PLA2G4B: variants seen among roughly 807,000 people sequenced by gnomAD.
The protein encoded by PLA2G4B is cytosolic phospholipase A2 beta.
Under a neutral mutation model 95.8 loss-of-function variants are expected in PLA2G4B, and 122 were observed. The ratio of observed to expected loss-of-function variants is 1.27; its 90% CI spans 1.10 to 1.48. The LOEUF (loss-of-function observed/expected upper bound fraction) is 1.48. Ranked by LOEUF, PLA2G4B falls within the 40% of genes most tolerant of loss-of-function variation. PLA2G4B has a pLI of 0.00. For synonymous variants in PLA2G4B, 518 were observed against 421.5 expected (o/e 1.23, Z -2.80); for missense variants, 1,158 against 996.2 (o/e 1.16, Z -2.19).
At position 41,846,847 on chromosome 15, in the gene PLA2G4B, T is replaced by C; in HGVS notation, c.1947+12T>C. 1 of 1,596,430 alleles carries C rather than the reference T, an allele frequency of 6.3e-7. No individual in the cohort carries two copies. Among genetic ancestry groups the C allele is most frequent in the South Asian group, 1.1e-5 (1 of 89,898 alleles). On this transcript the variant is annotated intron_variant, in intron 18 of 19. Transcript: ENST00000458483. Reference sequence around the variant, plus strand: ...ACGGAGCCTTCCAGGTTGGGAAGGGTGGGCAGCCCACCAGGGAGGCGGTGG... The same window carrying C: ...ACGGAGCCTTCCAGGTTGGGAAGGGCGGGCAGCCCACCAGGGAGGCGGTGG...
At chr15:41,846,109 G>A (rs972363291) in intron 16 of PLA2G4B, 62 bp downstream of exon 16, 2 of 1,575,464 alleles carry the variant, frequency 1.3e-6, no homozygotes, top group Admixed American at 3.5e-5. Context: ...TGCACCAGGG[G>A]GCGGGGGGTT....
Position 41,845,698 on chromosome 15 carries a change from C to G in PLA2G4B, c.1418C>G (p.Ser473Cys), listed in dbSNP as rs552060419. The change falls in exon 15 of 20, where the codon TCT (serine) becomes TGT (cysteine). Residue 473 changes from serine to cysteine, a missense_variant. Physicochemically the swap from Ser to Cys is moderately radical, Grantham distance 112. Coordinates refer to ENST00000458483, the MANE Select transcript of PLA2G4B (RefSeq NM_001114633.2). Reference protein sequence around the residue: ...GFPKYGAFIPSELFGSEFFMG... With the variant: ...GFPKYGAFIPCELFGSEFFMG... Reference sequence around the variant, plus strand: ...CCCAAGTACGGGGCCTTCATCCCCTCTGAGCTCTTTGGCTCCGAGTTCTTT... The same window carrying G: ...CCCAAGTACGGGGCCTTCATCCCCTGTGAGCTCTTTGGCTCCGAGTTCTTT... 1.2e-6 allele frequency: 2 copies of G among 1,613,760 alleles called. No homozygotes were observed. Among genetic ancestry groups the G allele is most frequent in the South Asian group, 2.2e-5 (2 of 91,048 alleles).
intron 3 of PLA2G4B, 49 bp from the exon 4 acceptor site, chr15:41,840,725 C>T: frequency 6.2e-7 from 1 of 1,607,066 alleles, no homozygotes; most frequent in Non-Finnish European, 8.5e-7. Context: ...GCCCTGCTCA[C>T]CTTTCTGTCC....
At position 41,845,433 on chromosome 15, in the gene PLA2G4B, G is replaced by A. The variant is rs534580292; in HGVS notation, c.1357+113G>A. 46 of 1,470,094 alleles carry A rather than the reference G, an allele frequency of 3.1e-5. No homozygotes were observed. In the African/African-American group the frequency reaches 3.2e-4, roughly 10 times the overall value. 91.1% of individuals were successfully genotyped at this position (1,470,094 alleles called of 1,614,324 possible). ...ACCCACCTCTCCTGAGCCAGGTCCCGTGCTTTCTGGAGACCGGCACCCTAC... is the reference window on the plus strand; with the variant it reads ...ACCCACCTCTCCTGAGCCAGGTCCCATGCTTTCTGGAGACCGGCACCCTAC... On this transcript the variant is annotated intron_variant, in intron 14 of 19. Coordinates refer to ENST00000458483, the MANE Select transcript of PLA2G4B (RefSeq NM_001114633.2).
At chr15:41,838,986 A>G (rs1595416779) in intron 1 of PLA2G4B, 64 bp downstream of exon 1, 5 of 1,353,514 alleles carry the variant, frequency 3.7e-6, no homozygotes, top group South Asian at 2.6e-5. Context: ...GGCCTAGTTA[A>G]TATGTTTCTT....
chr15:41,842,793 G>T, intron 10 of PLA2G4B: 1 of 763,490 alleles, frequency 1.3e-6, no homozygotes, highest in African/African-American at 1.8e-5. Context: ...TCAGAGGGGC[G>T]AGTGACCGGC....
chr15:41,847,532 C>T lies in PLA2G4B; in HGVS notation c.2134+9C>T. The T allele has an allele frequency of 6.2e-7, 1 of 1,602,444 alleles. No individual in the cohort carries two copies. ...GGAGTACTCGGCCCCTGGTGAGCTG[C>T]TGTTCACCTCCCCATCCTGCTGCCC... On this transcript the variant is annotated intron_variant, in intron 19 of 19. Transcript: ENST00000458483.
rs767966624 is a variant in PLA2G4B at position 41,847,694 on chromosome 15, T to C, written c.2180T>C (p.Leu727Pro). Residue 727 changes from leucine (L) to proline (P), a missense_variant, in exon 20 of 20, where the codon CTG (leucine) becomes CCG (proline). Transcript: ENST00000458483. ...PEEAAAGEVN[L>P]SSSDSPYHYT... ...GAGGCGGCAGCTGGGGAGGTGAACC[T>C]GTCTTCATCGGACTCTCCCTACCAC... The C allele has an allele frequency of 1.9e-6, 3 of 1,613,674 alleles. No homozygotes were observed. Among genetic ancestry groups the C allele is most frequent in the Admixed American group, 3.3e-5 (2 of 60,028 alleles).
rs375945153 is a variant in PLA2G4B, at chr15:41,841,170, C to T, written c.393-61C>T. 657 of 1,614,038 alleles carry T rather than the reference C, an allele frequency of 4.1e-4. 1 individual carries two copies. The highest frequency in any genetic ancestry group is 1.0e-3 in the Admixed American group (60 of 60,016). On this transcript the variant is annotated intron_variant, in intron 5 of 19. Transcript: ENST00000458483. The stretch of plus-strand genomic sequence containing the variant: ...ACAGCACTAGTGCCTGGGGGATGCC[C>T]AGGTCTCTGTGGGGTGGGAACCTGG...
chr15:41,845,433 G>C (rs534580292), intron 14 of PLA2G4B, 113 bp downstream of exon 14: 5 of 1,470,098 alleles, frequency 3.4e-6, no homozygotes, highest in Admixed American at 2.0e-5. Context: ...GCCAGGTCCC[G>C]TGCTTTCTGG....
intron 11 of PLA2G4B, 36 bp downstream of exon 11, chr15:41,843,847 T>A: frequency 6.2e-6 from 10 of 1,608,184 alleles, no homozygotes; most frequent in Non-Finnish European, 8.5e-6. Flanking sequence ...GTCCCCGGGC[T>A]TGCTTGGGCC....
Position 41,847,782 on chromosome 15 carries a change from T to C in PLA2G4B, c.2268T>C (p.Asn756=). The C allele has an allele frequency of 6.2e-7, 1 of 1,609,804 alleles. No individual in the cohort carries two copies. Among genetic ancestry groups the C allele is most frequent in the Admixed American group, 1.7e-5 (1 of 59,906 alleles). ...VDKLLHLTHY[N]VCNNQEQLLE... ...AGCTGCTGCACCTGACACATTACAA[T>C]GTCTGCAACAACCAGGAGCAGCTGC... Residue 756 remains asparagine (N), a synonymous_variant, in exon 20 of 20, where the codon AAT becomes AAC. Transcript: ENST00000458483.
At chr15:41,844,777 C>T in intron 12 of PLA2G4B, 71 bp from the exon 13 acceptor site, 1 of 1,538,176 alleles carries the variant, frequency 6.5e-7, no homozygotes, top group Non-Finnish European at 8.8e-7. Context: ...TCCTAGAAAG[C>T]CCGGGGCACG....
chr15:41,842,647 G>T, intron 10 of PLA2G4B, 56 bp downstream of exon 10: 7 of 1,593,820 alleles, frequency 4.4e-6, no homozygotes, highest in Non-Finnish European at 6.0e-6. Flanking sequence ...AGGGTGCGGG[G>T]CTGGAGGAGG....
intron 4 of PLA2G4B, 21 bp from the exon 5 acceptor site, chr15:41,841,034 T>TA: frequency 1.3e-6 from 2 of 1,570,088 alleles, no homozygotes; most frequent in Non-Finnish European, 1.7e-6. Context: ...CTTTCTAACT[T>TA]ACTTCTGGCT....
intron 10 of PLA2G4B, chr15:41,843,363 A>C: frequency 3.3e-6 from 1 of 307,224 alleles, no homozygotes; most frequent in Non-Finnish European, 5.9e-6. Context: ...GGTAAGGGAC[A>C]GAACACGAGA....
chr15:41,847,460 G>T lies in PLA2G4B; in HGVS notation c.2071G>T (p.Gly691Ter), dbSNP rs138301950. ...CACCTTCTCCGACCCCACCTGCCCC[G>T]GAGCCCCTGCGGTGCTGCACTTTCC... is the stretch of plus-strand genomic sequence containing the variant. ...CHTFSDPTCPGAPAVLHFPLV... is the reference protein window; with the variant it reads ...CHTFSDPTCP The change falls in exon 19 of 20, where the codon GGA (glycine) becomes TGA (stop). Residue 691 changes from glycine to a stop codon, truncating the protein, a stop_gained. Transcript: ENST00000458483. LOFTEE classifies it high-confidence loss of function. 6.2e-7 allele frequency: 1 copy of T among 1,613,088 alleles called. No homozygotes were observed. The highest frequency in any genetic ancestry group is 8.5e-7 in the Non-Finnish European group (1 of 1,179,576).
In PLA2G4B at chr15:41,840,779, C is replaced by A; in HGVS notation, c.225C>A (p.Val75=). ...HFRIHRQLKN[V]MELKVFDQDL... is the part of the protein sequence containing the mutation. ...GTCACTCTTTTCCCCTCCAGAATGT[C>A]ATGGAACTGAAAGTCTTTGACCAGG... Residue 75 remains valine (V), a synonymous_variant, in exon 4 of 20, where the codon GTC becomes GTA. Coordinates refer to ENST00000458483, the MANE Select transcript of PLA2G4B (RefSeq NM_001114633.2). The A allele has an allele frequency of 6.2e-7, 1 of 1,613,684 alleles. No homozygotes were observed. The highest frequency in any genetic ancestry group is 1.1e-5 in the South Asian group (1 of 91,024).
At chr15:41,842,094 C>T in intron 8 of PLA2G4B, 99 bp from the exon 9 acceptor site, 1 of 1,571,966 alleles carries the variant, frequency 6.4e-7, no homozygotes, top group Non-Finnish European at 8.7e-7. Context: ...CCTTCCCGTC[C>T]CTCCCATAAC....
Sources: allele counts gnomAD v4.1 joint callset, GRCh38; gene constraint gnomAD v4.1.1; transcripts MANE v1.5; gene names NCBI Gene and HGNC (gene_info 2026-07-23, HGNC 2026-07-21).